The following ZNF154 variants were observed in gnomAD, a reference collection of about 807,000 sequenced individuals.
ZNF154 encodes the protein zinc finger protein 154 (pHZ-92).
A neutral mutation model predicts 7.5 loss-of-function variants in ZNF154; 6 were observed. That is an observed-to-expected ratio of 0.80 (90% CI 0.44 to 1.57). The LOEUF is 1.57. Ranked by LOEUF, ZNF154 falls within the 40% of genes most tolerant of loss-of-function variation. The pLI is 0.01. For missense variants in ZNF154, 485 were observed against 531.4 expected, an observed-to-expected ratio of 0.91 and a Z score of 0.86; for synonymous variants, 187 against 185.9, an observed-to-expected ratio of 1.01 and a Z score of -0.05.
In ZNF154 at chr19:57,701,769, A is replaced by T; in HGVS notation, c.1180T>A (p.Phe394Ile). 1 of 1,614,124 alleles carries T rather than the reference A, an allele frequency of 6.2e-7. No homozygotes were observed. Among genetic ancestry groups the T allele is most frequent in the Non-Finnish European group, 8.5e-7 (1 of 1,180,028 alleles). ...TTAATGAGGCCGGAATTTTGAGTAA[A>T]GGATTTCCCACATTCACTGCACTCA... The part of the protein sequence containing the change: ...PYECSECGKS[F>I]TQNSGLIKHR... The change falls in exon 3 of 3, where the codon TTT becomes ATT. Residue 394 changes from phenylalanine to isoleucine, a missense_variant. Coordinates refer to ENST00000684351, the MANE Select transcript of ZNF154 (RefSeq NM_001085384.3).
Position 57,702,687 on chromosome 19 carries a change from G to C in ZNF154, c.262C>G (p.Pro88Ala). The C allele has an allele frequency of 1.9e-6, 3 of 1,613,940 alleles. No individual in the cohort carries two copies. The highest frequency in any genetic ancestry group is 2.5e-6 in the Non-Finnish European group (3 of 1,180,026). ...TTCCCAACTTCTCTGCAGGTGGAAG[G>C]CTCCCCTGACACATGGAATGTGCAG... ...KTCTFHVSGE[P>A]STCREVGKDF... The change falls in exon 3 of 3, where the codon CCT becomes GCT. Residue 88 changes from proline to alanine, a missense_variant. By Grantham distance (27) the Pro-to-Ala change is conservative. Coordinates refer to ENST00000684351, the MANE Select transcript of ZNF154 (RefSeq NM_001085384.3).
At chr19:57,707,113 CAA>C (rs1282058157) in intron 1 of ZNF154, among the ~76,000 whole-genome samples, 10 of 94,212 alleles carry the variant, frequency 1.1e-4, no homozygotes, top group African/African-American at 1.3e-4. Flanking sequence ...CACTCCATCT[CAA>C]AAAAAAAAAA....
chr19:57,708,657 AACCCTAGGAGT>A (rs1431051362), intron 1 of ZNF154, among the ~76,000 whole-genome samples: 1 of 152,140 alleles, frequency 6.6e-6, no homozygotes, highest in Non-Finnish European at 1.5e-5. Flanking sequence ...ATGACAGTAC[AACCCTAGGAGT>A]AACTCCGCCT....
chr19:57,702,527 G>A lies in ZNF154; in HGVS notation c.422C>T (p.Ala141Val). 6.2e-7 allele frequency: 1 copy of A among 1,614,162 alleles called. No individual in the cohort carries two copies. Among genetic ancestry groups the A allele is most frequent in the Non-Finnish European group, 8.5e-7 (1 of 1,180,034 alleles). ...AACAAGTGTGTGTTTACCGCTGAAT[G>A]CTTTTGTGTGTTCTCCACAGTTGTA... ...THYNCGEHTKAFSGKHTLVQQ... is the reference protein window; with the variant it reads ...THYNCGEHTKVFSGKHTLVQQ... The change falls in exon 3 of 3, where the codon GCA becomes GTA. Residue 141 changes from alanine (A) to valine (V), a missense_variant. By Grantham distance (64) the Ala-to-Val change is moderately conservative. Transcript: ENST00000684351.
rs1984893035 is a variant in ZNF154 at position 57,696,306 on chromosome 19, G to A, written c.*5329C>T. 6.6e-6 allele frequency among the ~76,000 whole-genome samples: 1 copy of A among 152,224 alleles called. No homozygotes were observed. Among genetic ancestry groups the A allele is most frequent in the South Asian group, 2.1e-4 (1 of 4,820 alleles). On this transcript the variant is annotated 3_prime_UTR_variant, in exon 3 of 3. Transcript: ENST00000684351. ...CTGTGGGGTCAGGGGGTTCTAAGAA[G>A]CCCCATTTCTCTTTCTCTTGTACCT...
intron 2 of ZNF154, among the ~76,000 whole-genome samples, chr19:57,703,363 G>A (rs1229513761): frequency 1.3e-5 from 2 of 151,666 alleles, no homozygotes; most frequent in African/African-American, 4.8e-5. Context: ...GTGGGTGCCT[G>A]TAGTCCCAGG....
chr19:57,706,057 A>G (rs1985376042), intron 1 of ZNF154, among the ~76,000 whole-genome samples: 1 of 152,164 alleles, frequency 6.6e-6, no homozygotes, highest in South Asian at 2.1e-4. Flanking sequence ...GTTTGGGAGA[A>G]GAGTAGGGAG....
rs942175326 is a variant in ZNF154 at position 57,698,412 on chromosome 19, G to A, written c.*3223C>T. 2.6e-5 allele frequency: 4 copies of A among 152,006 alleles called. No individual in the cohort carries two copies. The highest frequency in any genetic ancestry group is 7.3e-5 in the African/African-American group (3 of 41,372). 9.4% of individuals were successfully genotyped at this position (152,006 alleles called of 1,614,324 possible). On this transcript the variant is annotated 3_prime_UTR_variant, in exon 3 of 3. Transcript: ENST00000684351. Reference sequence around the variant, plus strand: ...ATTTTCTACATTCTTGAGGTTATTCGTGGCCACTGTATCAGTATGGTAGAA... The same window carrying A: ...ATTTTCTACATTCTTGAGGTTATTCATGGCCACTGTATCAGTATGGTAGAA...
rs1984988504 is a variant in ZNF154, at chr19:57,698,451, G to C, written c.*3184C>G. On this transcript the variant is annotated 3_prime_UTR_variant, in exon 3 of 3. Coordinates refer to ENST00000684351, the MANE Select transcript of ZNF154 (RefSeq NM_001085384.3). The stretch of plus-strand genomic sequence containing the variant: ...AGTATGGTAGAAACAGAATATATTA[G>C]GATGCTATCAGCAACTCTTCCCAAT... The C allele has an allele frequency of 6.6e-6, 1 of 152,100 alleles. No individual in the cohort carries two copies. Among genetic ancestry groups the C allele is most frequent in the African/African-American group, 2.4e-5 (1 of 41,410 alleles). 9.4% of individuals were successfully genotyped at this position (152,100 alleles called of 1,614,324 possible).
chr19:57,701,622 A>T lies in ZNF154; in HGVS notation c.*13T>A. The T allele has an allele frequency of 6.2e-7, 1 of 1,602,962 alleles. No individual in the cohort carries two copies. The highest frequency in any genetic ancestry group is 8.5e-7 in the Non-Finnish European group (1 of 1,172,618). On this transcript the variant is annotated 3_prime_UTR_variant, in exon 3 of 3. Transcript: ENST00000684351. Reference sequence around the variant, plus strand: ...TGCTAACAGATTTTCCACATTTGCCACTCATAAGGCTTTTATCGACTATGA... The same window carrying T: ...TGCTAACAGATTTTCCACATTTGCCTCTCATAAGGCTTTTATCGACTATGA...
intron 1 of ZNF154, 30 bp from the exon 2 acceptor site, chr19:57,705,009 A>G (rs1486069570): frequency 3.1e-6 from 5 of 1,587,844 alleles, no homozygotes; most frequent in Non-Finnish European, 4.3e-6. Context: ...TGAAACCACC[A>G]AGAGCCCCTA....
chr19:57,701,939 G>A lies in ZNF154; in HGVS notation c.1010C>T (p.Ser337Phe). 1 of 1,612,866 alleles carries A rather than the reference G, an allele frequency of 6.2e-7. No homozygotes were observed. Among genetic ancestry groups the A allele is most frequent in the Middle Eastern group, 1.6e-4 (1 of 6,062 alleles). Reference protein sequence around the residue: ...RPYKCSECGKSFSQRSALLQH... With the variant: ...RPYKCSECGKFFSQRSALLQH... ...AAGGAGTGCAGACCTTTGGCTAAAG[G>A]ATTTCCCACATTCGCTGCACTTATA... is the stretch of plus-strand genomic sequence containing the variant. The change falls in exon 3 of 3, where the codon TCC becomes TTC. Residue 337 changes from serine to phenylalanine, a missense_variant. Physicochemically the swap from Ser to Phe is radical, Grantham distance 155 (BLOSUM62 -2). Coordinates refer to ENST00000684351, the MANE Select transcript of ZNF154 (RefSeq NM_001085384.3).
chr19:57,697,832 T>C lies in ZNF154; in HGVS notation c.*3803A>G, dbSNP rs1043354082. 23 of 152,150 alleles carry C rather than the reference T, an allele frequency of 1.5e-4. No individual in the cohort carries two copies. Among genetic ancestry groups the C allele is most frequent in the African/African-American group, 5.3e-4 (22 of 41,438 alleles). 9.4% of individuals were successfully genotyped at this position (152,150 alleles called of 1,614,324 possible). A position where few individuals can be genotyped will look rare whatever the true frequency, so the allele number is the denominator to read the frequency against. ...CAGTCTTTTCCATCTTTTTTTGTAATTGAACACAGCTGTAACAGGAGACAA... is the reference window on the plus strand; with the variant it reads ...CAGTCTTTTCCATCTTTTTTTGTAACTGAACACAGCTGTAACAGGAGACAA... On this transcript the variant is annotated 3_prime_UTR_variant, in exon 3 of 3. Coordinates refer to ENST00000684351, the MANE Select transcript of ZNF154 (RefSeq NM_001085384.3).
rs1474629716 is a variant in ZNF154, at chr19:57,701,908, A to C, written c.1041T>G (p.His347Gln). 3 of 1,613,428 alleles carry C rather than the reference A, an allele frequency of 1.9e-6. No individual in the cohort carries two copies. The highest frequency in any genetic ancestry group is 2.5e-6 in the Non-Finnish European group (3 of 1,179,900). The change falls in exon 3 of 3, where the codon CAT becomes CAG. Residue 347 changes from histidine (H) to glutamine (Q), a missense_variant. By Grantham distance (24) the His-to-Gln change is conservative. Coordinates refer to ENST00000684351, the MANE Select transcript of ZNF154 (RefSeq NM_001085384.3). ...GCCTCTCCCCAGTGTGAACTCCCCG[A>C]TGTTGAAGGAGTGCAGACCTTTGGC... ...SFSQRSALLQ[H>Q]RGVHTGERPY...
At position 57,701,248 on chromosome 19, in the gene ZNF154, T is replaced by C. The variant is rs1985120440; in HGVS notation, c.*387A>G. On this transcript the variant is annotated 3_prime_UTR_variant, in exon 3 of 3. Coordinates refer to ENST00000684351, the MANE Select transcript of ZNF154 (RefSeq NM_001085384.3). ...CCAAGGTTCACTTACCTGAATACAC[T>C]GGGATGGGTGAGTGGTGCACACTGG... 4.9e-6 allele frequency: 1 copy of C among 203,086 alleles called. No homozygotes were observed. Among genetic ancestry groups the C allele is most frequent in the African/African-American group, 2.3e-5 (1 of 43,244 alleles). 12.6% of individuals were successfully genotyped at this position (203,086 alleles called of 1,614,324 possible).
In ZNF154 at chr19:57,696,494, G is replaced by A. The variant is rs1026104635; in HGVS notation, c.*5141C>T. ...AAACATAAAACTGAGGTACCAAGAG[G>A]CTGCAAAACCAGCAGAGTCCTGATG... On this transcript the variant is annotated 3_prime_UTR_variant, in exon 3 of 3. Transcript: ENST00000684351. Among the ~76,000 whole-genome samples, 4 of 152,144 alleles carry A rather than the reference G, an allele frequency of 2.6e-5. No individual in the cohort carries two copies. The highest frequency in any genetic ancestry group is 6.6e-5 in the Admixed American group (1 of 15,256).
intron 1 of ZNF154, among the ~76,000 whole-genome samples, chr19:57,705,967 T>C (rs947962783): frequency 6.6e-6 from 1 of 152,104 alleles, no homozygotes; most frequent in African/African-American, 2.4e-5. Context: ...GAAAACTCCA[T>C]GACCTGGTAG....
rs1985173943 is a variant in ZNF154 at position 57,702,038 on chromosome 19, C to G, written c.911G>C (p.Ser304Thr). Reference protein sequence around the residue: ...VHSGSRPYECSECGKSFSQNS... With the variant: ...VHSGSRPYECTECGKSFSQNS... ...TTGGCTAAATGACTTCCCACATTCG[C>G]TGCACTCATAAGGCCTGGATCCACT... Residue 304 changes from serine to threonine, a missense_variant, in exon 3 of 3, where the codon AGC becomes ACC. Ser to Thr is a moderately conservative substitution (Grantham distance 58). Transcript: ENST00000684351. 3 of 1,613,688 alleles carry G rather than the reference C, an allele frequency of 1.9e-6. No individual in the cohort carries two copies. The highest frequency in any genetic ancestry group is 2.5e-6 in the Non-Finnish European group (3 of 1,179,950).
Position 57,701,369 on chromosome 19 carries a change from A to T in ZNF154, c.*266T>A. On this transcript the variant is annotated 3_prime_UTR_variant, in exon 3 of 3. Coordinates refer to ENST00000684351, the MANE Select transcript of ZNF154 (RefSeq NM_001085384.3). The stretch of plus-strand genomic sequence containing the variant: ...GGGCCCTGGGCAGGGCAAAAGGTGC[A>T]ATGCAGTTCACACATACCTGGAATT... The T allele has an allele frequency of 2.2e-6, 1 of 455,742 alleles. No homozygotes were observed. Among genetic ancestry groups the T allele is most frequent in the South Asian group, 2.8e-5 (1 of 35,334 alleles). 28.2% of individuals were successfully genotyped at this position (455,742 alleles called of 1,614,324 possible). A position where few individuals can be genotyped will look rare whatever the true frequency, so the allele number is the denominator to read the frequency against.
Sources: allele counts gnomAD v4.1 joint callset (sites outside exome capture counted in the v4.1 genomes callset), GRCh38; gene constraint gnomAD v4.1.1; transcripts MANE v1.5; gene names NCBI Gene and HGNC (gene_info 2026-07-23, HGNC 2026-07-21).